Variants in PAPPA observed in about 807,000 individuals in gnomAD.
PAPPA encodes the protein pappalysin-1.
PAPPA carries 60 observed loss-of-function variants against 164.0 expected under a neutral mutation model. The ratio of observed to expected loss-of-function variants is 0.37; its 90% CI spans 0.30 to 0.45. The LOEUF is 0.45. Among genes scored for constraint, PAPPA ranks in the 20% least tolerant of loss-of-function variants. The pLI is 1.00. For missense variants in PAPPA, 1,782 were observed against 2,087.3 expected, an observed-to-expected ratio of 0.85 and a Z score of 2.85; for synonymous variants, 875 against 814.1, an observed-to-expected ratio of 1.07 and a Z score of -1.27.
intron 1 of PAPPA, among the ~76,000 whole-genome samples, chr9:116,173,422 A>G (rs1295788160): frequency 6.6e-6 from 1 of 152,178 alleles, no homozygotes; most frequent in Admixed American, 6.5e-5. Context: ...TAGCTCTGTG[A>G]CTGTCAAAAG....
chr9:116,335,114 G>A, intron 13 of PAPPA, 40 bp downstream of exon 13: 1 of 1,503,224 alleles, frequency 6.7e-7, no homozygotes, highest in Middle Eastern at 1.7e-4. Context: ...GCCACTTGTA[G>A]CCGAGTGGAG....
chr9:116,187,417 A>G lies in PAPPA; in HGVS notation c.679A>G (p.Ile227Val). The stretch of plus-strand genomic sequence containing the variant: ...CACCTCTGGGGAACAAGTGGGTGGC[A>G]TATTCAGCCCACTGACCCAGAAGTG... ...VATSGEQVGG[I>V]FSPLTQKCKV... is the part of the protein sequence containing the mutation. Residue 227 changes from isoleucine to valine, a missense_variant, in exon 2 of 22, where the codon ATA (isoleucine) becomes GTA (valine). By Grantham distance (29) the Ile-to-Val change is conservative. Transcript: ENST00000328252. The surrounding 1 kb of genome is among the most constrained non-coding windows in gnomAD (Gnocchi z 4.2). 6.2e-7 allele frequency: 1 copy of G among 1,614,130 alleles called. No individual in the cohort carries two copies. The highest frequency in any genetic ancestry group is 8.5e-7 in the Non-Finnish European group (1 of 1,180,030).
chr9:116,390,761 G>A (rs976521810), intron 21 of PAPPA, among the ~76,000 whole-genome samples: 2 of 152,012 alleles, frequency 1.3e-5, no homozygotes, highest in Admixed American at 6.6e-5. Context: ...ACTCATTTTA[G>A]CTTGGTCCTA....
intron 7 of PAPPA, among the ~76,000 whole-genome samples, chr9:116,236,692 T>C (rs1844672491): frequency 6.6e-6 from 1 of 152,150 alleles, no homozygotes; most frequent in Middle Eastern, 3.2e-3. Flanking sequence ...CATCTTATAA[T>C]GAAGCCATTA....
chr9:116,297,813 T>C (rs1845528367), intron 9 of PAPPA, among the ~76,000 whole-genome samples: 1 of 152,222 alleles, frequency 6.6e-6, no homozygotes, highest in Non-Finnish European at 1.5e-5. Context: ...ATTATCATCA[T>C]TGTTAAGAAT....
At position 116,154,216 on chromosome 9, in the gene PAPPA, C is replaced by T. The variant is rs1204228334; in HGVS notation, c.44C>T (p.Ala15Val). The change falls in exon 1 of 22, where the codon GCC becomes GTC. Residue 15 changes from alanine (A) to valine (V), a missense_variant. Physicochemically the swap from Ala to Val is moderately conservative, Grantham distance 64 (BLOSUM62 0). Around this residue, in one of 2 missense-constraint regions of PAPPA, gnomAD observed 458 missense variants for 430.3 expected, o/e 1.06. Coordinates refer to ENST00000328252, the MANE Select transcript of PAPPA (RefSeq NM_002581.5). This position sits in a 1 kb window ranked among gnomAD's most constrained non-coding sequence, Gnocchi z 5.2. ...GTGCTGCACCTGGGGCTGCTGAGCG[C>T]CGCGCTGGGCTGCGGGCTGGCCGAG... is the stretch of plus-strand genomic sequence containing the variant. ...SWVLHLGLLS[A>V]ALGCGLAERP... The T allele has an allele frequency of 2.0e-6, 3 of 1,467,484 alleles. No homozygotes were observed. Among genetic ancestry groups the T allele is most frequent in the African/African-American group, 1.5e-5 (1 of 68,226 alleles). The allele number at this position is 1,467,484 out of a possible 1,614,324, so 90.9% of individuals were successfully genotyped here.
At chr9:116,395,890 A>C (rs1322772024) in intron 21 of PAPPA, among the ~76,000 whole-genome samples, 2 of 152,144 alleles carry the variant, frequency 1.3e-5, no homozygotes, top group African/African-American at 4.8e-5. Flanking sequence ...ATGTGCAGAG[A>C]CTTATGTTTT....
At chr9:116,300,366 C>T (rs1845565551) in intron 9 of PAPPA, among the ~76,000 whole-genome samples, 2 of 152,170 alleles carry the variant, frequency 1.3e-5, no homozygotes, top group South Asian at 4.1e-4. Flanking sequence ...CAGCTCTGAC[C>T]TACTGGGCTC....
chr9:116,168,003 T>C (rs1480693638), intron 1 of PAPPA, among the ~76,000 whole-genome samples: 1 of 152,204 alleles, frequency 6.6e-6, no homozygotes, highest in Non-Finnish European at 1.5e-5. Flanking sequence ...AAAATTTAGA[T>C]CTGTTGACTT....
At chr9:116,293,824 G>T (rs527758452) in intron 9 of PAPPA, among the ~76,000 whole-genome samples, 61 of 152,014 alleles carry the variant, frequency 4.0e-4, no homozygotes, top group Non-Finnish European at 7.9e-4. Flanking sequence ...GCTTGGTGGC[G>T]CATTCCTGTA....
intron 17 of PAPPA, among the ~76,000 whole-genome samples, chr9:116,358,887 C>A (rs1846387114): frequency 6.6e-6 from 1 of 152,192 alleles, no homozygotes; most frequent in Admixed American, 6.5e-5. Context: ...CTAAACTTCT[C>A]TTAGAGACAG....
chr9:116,366,095 G>C (rs763228190), intron 18 of PAPPA, among the ~76,000 whole-genome samples: 19 of 152,192 alleles, frequency 1.2e-4, no homozygotes, highest in Non-Finnish European at 2.6e-4. Context: ...GAGTTGACTT[G>C]CTCCTAGTGT....
At chr9:116,255,796 G>A (rs1350255354) in intron 7 of PAPPA, among the ~76,000 whole-genome samples, 1 of 151,878 alleles carries the variant, frequency 6.6e-6, no homozygotes, top group Admixed American at 6.6e-5. Context: ...TTGGTGAAAG[G>A]GTGTACTAGG....
At chr9:116,277,456 A>G (rs1032125943) in intron 9 of PAPPA, among the ~76,000 whole-genome samples, 5 of 152,180 alleles carry the variant, frequency 3.3e-5, no homozygotes, top group Non-Finnish European at 5.9e-5. Flanking sequence ...CATTGTTAAG[A>G]ACACGGATTC....
chr9:116,328,816 AC>A (rs1845952939), intron 10 of PAPPA, among the ~76,000 whole-genome samples: 1 of 152,188 alleles, frequency 6.6e-6, no homozygotes, highest in African/African-American at 2.4e-5. Context: ...CTATTGTCTA[AC>A]CCAACATTCG....
At chr9:116,246,305 T>C (rs1844796229) in intron 7 of PAPPA, among the ~76,000 whole-genome samples, 1 of 152,160 alleles carries the variant, frequency 6.6e-6, no homozygotes, top group African/African-American at 2.4e-5. Flanking sequence ...TACACCCAGC[T>C]GGTAAAATAA....
intron 2 of PAPPA, among the ~76,000 whole-genome samples, chr9:116,205,104 C>T (rs2118670338): frequency 6.6e-6 from 1 of 151,388 alleles, no homozygotes; most frequent in Admixed American, 6.6e-5. Context: ...GTGGGTTCCC[C>T]TAGGAGAGGT....
intron 15 of PAPPA, among the ~76,000 whole-genome samples, chr9:116,349,134 C>T (rs978258802): frequency 2.7e-5 from 4 of 149,092 alleles, no homozygotes; most frequent in Admixed American, 6.7e-5. Flanking sequence ...TACCCCCCTG[C>T]TCCTTGCAAT....
intron 9 of PAPPA, among the ~76,000 whole-genome samples, chr9:116,276,815 A>G (rs1269700670): frequency 2.6e-5 from 4 of 151,886 alleles, no homozygotes; most frequent in Non-Finnish European, 5.9e-5. Context: ...CAGTAACTCA[A>G]TTAGCAACCC....
Sources: gnomAD v4.1 joint callset for allele counts (sites outside exome capture counted in the v4.1 genomes callset) on GRCh38, gnomAD v4.1.1 for gene constraint, gnomAD v4.1.1 regional missense constraint, Gnocchi (gnomAD v3.1) non-coding constraint, MANE v1.5 for transcripts, NCBI Gene and HGNC (gene_info 2026-07-23, HGNC 2026-07-21) for gene names.